LRP1B: variants seen among roughly 807,000 people sequenced by gnomAD.
LRP1B encodes LDL receptor related protein 1B.
A neutral mutation model predicts 556.6 loss-of-function variants in LRP1B; 217 were observed. The ratio of observed to expected loss-of-function variants is 0.39; its 90% CI spans 0.35 to 0.44. LRP1B has a LOEUF of 0.44. LRP1B is among the 20% of genes least tolerant of loss of function. LRP1B has a pLI of 1.00. For missense variants in LRP1B, 5,053 were observed against 5,620.8 expected (o/e 0.90, Z 3.23); for synonymous variants, 2,047 against 1,865.8 (o/e 1.10, Z -2.50).
intron 77 of LRP1B, among the ~76,000 whole-genome samples, chr2:140,346,184 T>G (rs1449983872): frequency 6.6e-6 from 1 of 151,656 alleles, no homozygotes; most frequent in African/African-American, 2.4e-5. Flanking sequence ...AATAAGCCTT[T>G]GGGTATGAAT....
At chr2:141,708,415 T>C (rs1692231659) in intron 2 of LRP1B, among the ~76,000 whole-genome samples, 2 of 152,142 alleles carry the variant, frequency 1.3e-5, no homozygotes, top group African/African-American at 4.8e-5. Flanking sequence ...CCTTTAGGAA[T>C]AGGAGGTCTT....
At chr2:141,397,220 C>T (rs1462950829) in intron 3 of LRP1B, among the ~76,000 whole-genome samples, 2 of 148,848 alleles carry the variant, frequency 1.3e-5, no homozygotes, top group South Asian at 2.2e-4. Context: ...CATAGATATC[C>T]TTTAAGTAAA....
chr2:140,863,467 T>C (rs1488102171), intron 27 of LRP1B, among the ~76,000 whole-genome samples: 2 of 152,190 alleles, frequency 1.3e-5, no homozygotes, highest in African/African-American at 4.8e-5. Context: ...AAGCCCTCCA[T>C]TAATTTTAAT....
At position 141,646,908 on chromosome 2, in the gene LRP1B, C is replaced by A. The variant is rs150156769; in HGVS notation, c.205+163371G>T. On this transcript the variant is annotated intron_variant, in intron 2 of 90. Coordinates refer to ENST00000389484, the MANE Select transcript of LRP1B (RefSeq NM_018557.3). ...GAGTCAGTCAAGGGGGGAACAAGCT[C>A]CAGCTTTGCCAGGATGGTAGCAGTG... Among the ~76,000 whole-genome samples the A allele has an allele frequency of 3.7e-4, 57 of 152,254 alleles. 1 individual carries two copies. The East Asian group carries it at 9.8e-3, about 26-fold the overall frequency.
intron 81 of LRP1B, 111 bp from the exon 82 acceptor site, chr2:140,322,199 A>T: frequency 9.4e-7 from 1 of 1,067,270 alleles, no homozygotes; most frequent in Non-Finnish European, 1.4e-6. Flanking sequence ...AAAAGTAATC[A>T]CATTAAATTT....
Position 140,407,906 on chromosome 2 carries a change from C to T in LRP1B, c.10415-21897G>A, listed in dbSNP as rs531806060. Among the ~76,000 whole-genome samples the T allele has an allele frequency of 3.3e-5, 5 of 151,942 alleles. No homozygotes were observed. In the South Asian group the frequency reaches 6.2e-4, roughly 19 times the overall value. ...ATGTTTATGGCAGCACACTTCACCA[C>T]TGCAAAAATATGGAACCAATCTATG... On this transcript the variant is annotated intron_variant, in intron 66 of 90. Coordinates refer to ENST00000389484, the MANE Select transcript of LRP1B (RefSeq NM_018557.3).
chr2:141,345,020 T>C (rs1382466264), intron 3 of LRP1B, among the ~76,000 whole-genome samples: 1 of 152,166 alleles, frequency 6.6e-6, no homozygotes, highest in East Asian at 1.9e-4. Context: ...ATGGGCCCAA[T>C]GTAATCACAA....
intron 7 of LRP1B, among the ~76,000 whole-genome samples, chr2:141,100,781 A>G (rs988908253): frequency 1.3e-5 from 2 of 152,008 alleles, no homozygotes; most frequent in African/African-American, 4.8e-5. Flanking sequence ...GATGCTTGGG[A>G]GTAGACATGA....
chr2:141,415,359 T>C (rs187469589), intron 3 of LRP1B, among the ~76,000 whole-genome samples: 375 of 152,220 alleles, frequency 2.5e-3, no homozygotes, highest in African/African-American at 8.1e-3. Context: ...ATGCCCCTTA[T>C]TTTTCACCAA....
At chr2:141,965,675 A>G (rs1468965936) in intron 1 of LRP1B, among the ~76,000 whole-genome samples, 1 of 141,892 alleles carries the variant, frequency 7.0e-6, no homozygotes, top group Non-Finnish European at 1.5e-5. Context: ...GCAGCGCACC[A>G]GCATGGCACA....
intron 35 of LRP1B, among the ~76,000 whole-genome samples, chr2:140,732,495 A>G (rs1687812466): frequency 6.6e-6 from 1 of 152,142 alleles, no homozygotes; most frequent in Non-Finnish European, 1.5e-5. Context: ...AAGGAAAAAA[A>G]GTATTCACAT....
chr2:141,153,335 ATAATATAT>A (rs1392825557), intron 7 of LRP1B, among the ~76,000 whole-genome samples: 24 of 107,258 alleles, frequency 2.2e-4, no homozygotes, highest in East Asian at 2.0e-3. Flanking sequence ...TATTTATATA[ATAATATAT>A]TATATATTAG....
At chr2:141,831,182 AT>A (rs1006140799) in intron 1 of LRP1B, among the ~76,000 whole-genome samples, 1 of 151,746 alleles carries the variant, frequency 6.6e-6, no homozygotes, top group Non-Finnish European at 1.5e-5. Context: ...TCTAAAAAAA[AT>A]AATTTTCACA....
At chr2:140,724,059 G>T (rs1004765409) in intron 35 of LRP1B, among the ~76,000 whole-genome samples, 18 of 152,146 alleles carry the variant, frequency 1.2e-4, no homozygotes, top group African/African-American at 4.3e-4. Flanking sequence ...ATGAGAATCT[G>T]GTTGACATCT....
intron 84 of LRP1B, among the ~76,000 whole-genome samples, chr2:140,275,663 C>G (rs1396345797): frequency 6.6e-6 from 1 of 152,002 alleles, no homozygotes; most frequent in Non-Finnish European, 1.5e-5. Context: ...GGGAGACTAA[C>G]TGATCCATCA....
intron 41 of LRP1B, among the ~76,000 whole-genome samples, chr2:140,696,393 C>G (rs1018423781): frequency 3.3e-5 from 5 of 152,004 alleles, no homozygotes; most frequent in Non-Finnish European, 7.4e-5. Context: ...CAGAAAGATT[C>G]GTATAAACTA....
At chr2:140,854,389 G>A (rs1055163913) in intron 27 of LRP1B, among the ~76,000 whole-genome samples, 1 of 152,072 alleles carries the variant, frequency 6.6e-6, no homozygotes, top group African/African-American at 2.4e-5. Flanking sequence ...TCTTATCAAT[G>A]ATAACACTGT....
chr2:141,686,385 A>G (rs185840028), intron 2 of LRP1B, among the ~76,000 whole-genome samples: 1 of 152,156 alleles, frequency 6.6e-6, no homozygotes, highest in Admixed American at 6.6e-5. Context: ...GACATGTTGA[A>G]GACTACCCCT....
At chr2:142,033,113 C>A (rs1432419483) in intron 1 of LRP1B, among the ~76,000 whole-genome samples, 1 of 151,690 alleles carries the variant, frequency 6.6e-6, no homozygotes, top group Non-Finnish European at 1.5e-5. Flanking sequence ...ATTTTGTTAC[C>A]GTCATCAGCC....
Sources: allele counts gnomAD v4.1 joint callset (sites outside exome capture counted in the v4.1 genomes callset), GRCh38; gene constraint gnomAD v4.1.1; transcripts MANE v1.5; gene names NCBI Gene and HGNC (gene_info 2026-07-23, HGNC 2026-07-21).